Variants in KLHL29 observed in about 807,000 individuals in gnomAD.
The protein encoded by KLHL29 is kelch like family member 29, also known as kelch-like protein 29.
KLHL29 carries 21 observed loss-of-function variants against 80.4 expected under a neutral mutation model. The observed-to-expected ratio is 0.26, with a 90% CI of 0.19 to 0.38. The LOEUF (loss-of-function observed/expected upper bound fraction) is 0.38. Ranked by LOEUF, KLHL29 falls within the 10% of genes least tolerant of loss-of-function variation. KLHL29 has a pLI of 1.00. For synonymous variants in KLHL29, 511 were observed against 526.8 expected, an observed-to-expected ratio of 0.97 and a Z score of 0.41; for missense variants, 867 against 1,223.9, an observed-to-expected ratio of 0.71 and a Z score of 4.35.
chr2:23,591,732 C>G (rs1668265936), intron 3 of KLHL29, among the ~76,000 whole-genome samples: 1 of 152,194 alleles, frequency 6.6e-6, no homozygotes, highest in African/African-American at 2.4e-5. Context: ...CCAGCCTGCC[C>G]TCTCTACCCT....
At chr2:23,402,923 C>G (rs571274512) in intron 1 of KLHL29, among the ~76,000 whole-genome samples, 40 of 149,778 alleles carry the variant, frequency 2.7e-4, no homozygotes, top group Non-Finnish European at 4.9e-4. Flanking sequence ...GTGTATATAT[C>G]TTATATATCA....
At chr2:23,392,946 C>T (rs1666356004) in intron 1 of KLHL29, among the ~76,000 whole-genome samples, 1 of 152,180 alleles carries the variant, frequency 6.6e-6, no homozygotes, top group South Asian at 2.1e-4. Flanking sequence ...GATTTGCGCA[C>T]CTGCTTCCAT....
At chr2:23,499,092 G>A (rs1665356811) in intron 2 of KLHL29, among the ~76,000 whole-genome samples, 1 of 152,198 alleles carries the variant, frequency 6.6e-6, no homozygotes, top group African/African-American at 2.4e-5. Flanking sequence ...CTCTCTTGCT[G>A]CATGAAGTTT....
chr2:23,454,447 A>G (rs1663980945), intron 1 of KLHL29, among the ~76,000 whole-genome samples: 1 of 152,196 alleles, frequency 6.6e-6, no homozygotes, highest in African/African-American at 2.4e-5. Context: ...TTTTATGCTT[A>G]GTAGGATGGA....
chr2:23,480,651 GGAGTTATAAA>G, intron 2 of KLHL29, among the ~76,000 whole-genome samples: 1 of 152,288 alleles, frequency 6.6e-6, no homozygotes, highest in South Asian at 2.1e-4. Flanking sequence ...AACTGAGATG[GGAGTTATAAA>G]GAGTTTGCAA....
intron 2 of KLHL29, among the ~76,000 whole-genome samples, chr2:23,507,778 G>A (rs1665646748): frequency 6.6e-6 from 1 of 152,036 alleles, no homozygotes; most frequent in African/African-American, 2.4e-5. Context: ...TCTGACCTTT[G>A]ACAAGTCATT....
intron 5 of KLHL29, chr2:23,668,517 A>G (rs574757824): frequency 4.9e-4 from 75 of 152,466 alleles, no homozygotes; most frequent in African/African-American, 1.7e-3. Flanking sequence ...AACGGGAGAC[A>G]GAACAGTCAT....
intron 3 of KLHL29, among the ~76,000 whole-genome samples, chr2:23,566,117 C>A (rs1667583643): frequency 6.6e-6 from 1 of 152,214 alleles, no homozygotes; most frequent in Non-Finnish European, 1.5e-5. Context: ...GTTGGTTTTT[C>A]TACTTCTTCA....
intron 4 of KLHL29, among the ~76,000 whole-genome samples, chr2:23,640,907 C>A (rs892345180): frequency 6.6e-6 from 1 of 152,144 alleles, no homozygotes; most frequent in Non-Finnish European, 1.5e-5. Flanking sequence ...GGTAGTGACC[C>A]GCCATCTTAG....
rs577218221 is a variant in KLHL29 at position 23,451,977 on chromosome 2, C to T, written c.-153-23583C>T. Reference sequence around the variant, plus strand: ...GAAGAGGGAGCAGGCTGTCACATGACGAGAGGGGGAGCAAGAGAAGGGGGA... The same window carrying T: ...GAAGAGGGAGCAGGCTGTCACATGATGAGAGGGGGAGCAAGAGAAGGGGGA... On this transcript the variant is annotated intron_variant, in intron 1 of 13. Coordinates refer to ENST00000486442, the MANE Select transcript of KLHL29 (RefSeq NM_052920.2). Among the ~76,000 whole-genome samples the T allele has an allele frequency of 5.3e-5, 8 of 151,970 alleles. No homozygotes were observed. The East Asian group carries it at 7.8e-4, about 15-fold the overall frequency.
intron 2 of KLHL29, among the ~76,000 whole-genome samples, chr2:23,548,402 C>T (rs995123847): frequency 2.0e-5 from 3 of 152,112 alleles, no homozygotes; most frequent in Non-Finnish European, 4.4e-5. Flanking sequence ...TGCACGCACC[C>T]TCTTCCCTCA....
chr2:23,606,834 C>T (rs1244217294), intron 3 of KLHL29, among the ~76,000 whole-genome samples: 3 of 152,188 alleles, frequency 2.0e-5, no homozygotes, highest in Admixed American at 6.5e-5. Context: ...TTAGCCCATT[C>T]AGGCTGCCAT....
chr2:23,581,528 T>A (rs1215497550), intron 3 of KLHL29, among the ~76,000 whole-genome samples: 1 of 152,060 alleles, frequency 6.6e-6, no homozygotes, highest in Non-Finnish European at 1.5e-5. Context: ...GTGCTGGGGC[T>A]TTTTAAAAAC....
chr2:23,580,028 A>C (rs534341471), intron 3 of KLHL29, among the ~76,000 whole-genome samples: 1 of 152,200 alleles, frequency 6.6e-6, no homozygotes, highest in African/African-American at 2.4e-5. Flanking sequence ...TTCCTCATCT[A>C]TAAAATGGAG....
At chr2:23,420,015 G>A (rs1173900303) in intron 1 of KLHL29, among the ~76,000 whole-genome samples, 2 of 152,138 alleles carry the variant, frequency 1.3e-5, no homozygotes, top group African/African-American at 4.8e-5. Flanking sequence ...TTCACTCGTG[G>A]AATGCCTGCA....
chr2:23,646,417 G>GA (rs1170346448), intron 5 of KLHL29, among the ~76,000 whole-genome samples: 1 of 152,252 alleles, frequency 6.6e-6, no homozygotes, highest in Non-Finnish European at 1.5e-5. Flanking sequence ...GCCTAGTGGT[G>GA]AGCTGCAGAA....
intron 3 of KLHL29, among the ~76,000 whole-genome samples, chr2:23,602,739 G>A (rs951387705): frequency 2.6e-5 from 4 of 151,680 alleles, no homozygotes; most frequent in Admixed American, 2.6e-4. Context: ...CAGGCGTGAG[G>A]CACCACTCCC....
intron 2 of KLHL29, among the ~76,000 whole-genome samples, chr2:23,478,198 A>G (rs905618312): frequency 2.0e-5 from 3 of 152,090 alleles, no homozygotes; most frequent in Non-Finnish European, 4.4e-5. Context: ...TGCCACTCAT[A>G]CCAGTACCTG....
chr2:23,417,342 G>T (rs1667000862), intron 1 of KLHL29, among the ~76,000 whole-genome samples: 1 of 152,214 alleles, frequency 6.6e-6, no homozygotes, highest in East Asian at 1.9e-4. Context: ...CACGTTTGTT[G>T]TGTGGCCATC....
Sources: gnomAD v4.1 joint callset for allele counts (sites outside exome capture counted in the v4.1 genomes callset) on GRCh38, gnomAD v4.1.1 for gene constraint, MANE v1.5 for transcripts, NCBI Gene and HGNC (gene_info 2026-07-23, HGNC 2026-07-21) for gene names.